The following ANKRD36C variants were observed in gnomAD, a reference collection of about 807,000 sequenced individuals.
ANKRD36C encodes the protein ankyrin repeat domain 36C.
ANKRD36C carries 61 observed loss-of-function variants against 276.4 expected under a neutral mutation model. The observed-to-expected ratio is 0.22, with a 90% CI of 0.18 to 0.27. ANKRD36C has a LOEUF of 0.27. Among genes scored for constraint, ANKRD36C ranks in the 10% least tolerant of loss-of-function variants. ANKRD36C has a pLI of 1.00. For synonymous variants in ANKRD36C, 483 were observed against 680.1 expected, an observed-to-expected ratio of 0.71 and a Z score of 4.51; for missense variants, 1,447 against 2,032.3, an observed-to-expected ratio of 0.71 and a Z score of 5.54.
At chr2:95,875,860 A>G in intron 59 of ANKRD36C, 2 of 210,456 alleles carry the variant, frequency 9.5e-6, no homozygotes, top group South Asian at 1.2e-4. Context: ...GAAATACATT[A>G]GGCAGTTATT....
Position 95,991,487 on chromosome 2 carries a change from A to G in ANKRD36C, c.197+25T>C, listed in dbSNP as rs748090523. 9.8e-6 allele frequency: 15 copies of G among 1,538,068 alleles called. No homozygotes were observed. The East Asian group carries it at 3.5e-4, about 35-fold the overall frequency. On this transcript the variant is annotated intron_variant, in intron 1 of 66. Coordinates refer to ENST00000456556, the Ensembl canonical transcript of ANKRD36C. ...TCCACATCCACAGGCCTCCTCCCGC[A>G]GCCCCGGCTCCCGGCCCCCATTACC...
At chr2:95,884,859 TTCACG>T (rs1246844930) in intron 52 of ANKRD36C, among the ~76,000 whole-genome samples, 2 of 144,912 alleles carry the variant, frequency 1.4e-5, no homozygotes, top group African/African-American at 5.8e-5. Flanking sequence ...GAATGTACAC[TTCACG>T]TCTCTTCAGT....
At position 95,917,759 on chromosome 2, in the gene ANKRD36C, G is replaced by A. The variant is rs1338757631; in HGVS notation, c.2347+96C>T. 20 of 1,438,978 alleles carry A rather than the reference G, an allele frequency of 1.4e-5. No individual in the cohort carries two copies. In the East Asian group the frequency reaches 2.5e-4, roughly 18 times the overall value. The allele number at this position is 1,438,978 out of a possible 1,614,324, so 89.1% of individuals were successfully genotyped here. On this transcript the variant is annotated intron_variant, in intron 36 of 66. Coordinates refer to ENST00000456556, the Ensembl canonical transcript of ANKRD36C. ...CTGGATCAGAATGTGCAGCTTTGGC[G>A]AGCACCCCCAACCGCCCTCCGCTGA...
intron 60 of ANKRD36C, among the ~76,000 whole-genome samples, chr2:95,863,385 T>C (rs1675624877): frequency 1.3e-5 from 2 of 152,162 alleles, no homozygotes; most frequent in South Asian, 4.1e-4. Context: ...CAGCTGGCTA[T>C]GCTGGTGAAT....
chr2:95,878,353 TG>T (rs1448632378), intron 58 of ANKRD36C, among the ~76,000 whole-genome samples: 1 of 152,206 alleles, frequency 6.6e-6, no homozygotes, highest in Non-Finnish European at 1.5e-5. Context: ...TATAACTTTT[TG>T]TTTCTAAAAT....
chr2:95,851,005 T>C (rs1369502639), downstream of ANKRD36C, among the ~76,000 whole-genome samples: 1 of 152,228 alleles, frequency 6.6e-6, no homozygotes, highest in African/African-American at 2.4e-5. Flanking sequence ...CCCTTCACTA[T>C]GAATGTTTAT....
intron 44 of ANKRD36C, 134 bp downstream of exon 60, chr2:95,897,136 A>C (rs1676575667): frequency 1.8e-6 from 2 of 1,092,190 alleles, no homozygotes; most frequent in African/African-American, 1.6e-5. Flanking sequence ...CCACAAACTT[A>C]TTTGAAATGA....
chr2:95,924,772 T>A (rs1216832779), intron 30 of ANKRD36C, among the ~76,000 whole-genome samples: 2 of 151,640 alleles, frequency 1.3e-5, no homozygotes, highest in African/African-American at 4.8e-5. Flanking sequence ...AGAAATCAAA[T>A]CTTCTGGTAT....
At chr2:95,915,875 T>C (rs111816887) in intron 38 of ANKRD36C, 105 bp downstream of exon 40, 82 of 1,394,412 alleles carry the variant, frequency 5.9e-5, no homozygotes, top group Admixed American at 1.0e-4. Context: ...CTCAGGCCTG[T>C]TGAATCAGAA....
At chr2:95,963,980 T>TATATAA (rs1164620130) in intron 6 of ANKRD36C, among the ~76,000 whole-genome samples, 2 of 12,620 alleles carry the variant, frequency 1.6e-4, no homozygotes, top group Admixed American at 9.3e-4. Flanking sequence ...TAAATATATA[T>TATATAA]ATATATATAT....
intron 41 of ANKRD36C, 45 bp from the exon 44 acceptor site, chr2:95,912,361 A>T: frequency 6.2e-7 from 1 of 1,603,162 alleles, no homozygotes; most frequent in South Asian, 1.1e-5. Flanking sequence ...TATGTTTCAT[A>T]GGCTTTACGT....
intron 3 of ANKRD36C, among the ~76,000 whole-genome samples, chr2:95,985,096 T>A (rs932734648): frequency 6.6e-6 from 1 of 152,196 alleles, no homozygotes; most frequent in African/African-American, 2.4e-5. Flanking sequence ...ACAAAGAGAC[T>A]CAGAGTCCTG....
intron 54 of ANKRD36C, among the ~76,000 whole-genome samples, chr2:95,883,425 T>A (rs1446568265): frequency 6.6e-6 from 1 of 152,150 alleles, no homozygotes; most frequent in Non-Finnish European, 1.5e-5. Context: ...AGTTAGCTAA[T>A]TGAAAAGCAA....
chr2:95,929,089 C>A (rs1040886168), exon 26 of ANKRD36C: 2 of 1,603,854 alleles, frequency 1.2e-6, no homozygotes, highest in Admixed American at 3.3e-5. Flanking sequence ...AGATATTGGT[C>A]CCTCCTTTAT....
intron 25 of ANKRD36C, 26 bp downstream of exon 25, chr2:95,929,213 C>T: frequency 6.3e-7 from 1 of 1,593,910 alleles, no homozygotes; most frequent in Non-Finnish European, 8.5e-7. Context: ...GTTAATAGTT[C>T]AACATATAAA....
intron 1 of ANKRD36C, 107 bp downstream of exon 1, chr2:95,991,405 A>G (rs1471165401): frequency 1.6e-6 from 1 of 639,658 alleles, no homozygotes; most frequent in Non-Finnish European, 1.9e-6. Flanking sequence ...GCCCCCGTCC[A>G]TACCCCGAGC....
chr2:95,955,527 T>C (rs1436391339), intron 13 of ANKRD36C, among the ~76,000 whole-genome samples: 1 of 152,128 alleles, frequency 6.6e-6, no homozygotes, highest in East Asian at 1.9e-4. Context: ...TAAGAGTTTG[T>C]TTCTCTTCAA....
intron 26 of ANKRD36C, among the ~76,000 whole-genome samples, chr2:95,928,560 T>C (rs1013174328): frequency 2.0e-5 from 3 of 151,498 alleles, no homozygotes; most frequent in African/African-American, 4.8e-5. Context: ...CAGCAGAAAC[T>C]CCAAAATTAC....
At chr2:95,859,492 A>G (rs1573721866) in intron 61 of ANKRD36C, among the ~76,000 whole-genome samples, 2 of 152,198 alleles carry the variant, frequency 1.3e-5, no homozygotes, top group Admixed American at 1.3e-4. Context: ...AACCAGAAGA[A>G]TTTATCCAAT....
Sources: allele counts gnomAD v4.1 joint callset (sites outside exome capture counted in the v4.1 genomes callset), GRCh38; gene constraint gnomAD v4.1.1; transcripts MANE v1.5; gene names NCBI Gene and HGNC (gene_info 2026-07-23, HGNC 2026-07-21).